Variants in SNX29 observed in about 807,000 individuals in gnomAD.
The protein encoded by SNX29 is sorting nexin 29.
A neutral mutation model predicts 102.1 loss-of-function variants in SNX29; 78 were observed. That is an observed-to-expected ratio of 0.76 (90% CI 0.64 to 0.92). SNX29 has a LOEUF of 0.92. Ranked by LOEUF, SNX29 falls within the 40% of genes least tolerant of loss-of-function variation. The pLI is 0.00. For synonymous variants in SNX29, 580 were observed against 414.5 expected (o/e 1.40, Z -4.85); for missense variants, 1,280 against 1,061.7 (o/e 1.21, Z -2.86).
chr16:12,545,313 G>T (rs536294645), intron 20 of SNX29, among the ~76,000 whole-genome samples: 2 of 150,390 alleles, frequency 1.3e-5, no homozygotes, highest in Non-Finnish European at 3.0e-5. Flanking sequence ...TGGAAGACTC[G>T]CATCCACCAG....
At chr16:12,543,750 G>T (rs2077453180) in intron 20 of SNX29, among the ~76,000 whole-genome samples, 1 of 152,222 alleles carries the variant, frequency 6.6e-6, no homozygotes, top group African/African-American at 2.4e-5. Flanking sequence ...GTTGACTGGG[G>T]GAGATTTTCC....
rs142779997 is a variant in SNX29 at position 12,107,850 on chromosome 16, A to G, written c.1403-18783A>G. 7.0e-4 allele frequency among the ~76,000 whole-genome samples: 106 copies of G among 152,262 alleles called. 1 individual carries two copies. The highest frequency in any genetic ancestry group is 2.5e-3 in the African/African-American group (102 of 41,556). ...CCATAGGAATTCTTCATTAGGAATG[A>G]AGAAACTGTGTGCCACAGGGATTGA... On this transcript the variant is annotated intron_variant, in intron 11 of 20. Coordinates refer to ENST00000566228, the MANE Select transcript of SNX29 (RefSeq NM_032167.5).
At chr16:12,369,533 G>T (rs1439608210) in intron 16 of SNX29, among the ~76,000 whole-genome samples, 1 of 152,176 alleles carries the variant, frequency 6.6e-6, no homozygotes, top group Non-Finnish European at 1.5e-5. Context: ...GTCTGGGCCA[G>T]GTCCTCTCCT....
intron 1 of SNX29, among the ~76,000 whole-genome samples, chr16:11,988,706 C>T (rs2055728874): frequency 6.6e-6 from 1 of 152,086 alleles, no homozygotes; most frequent in Non-Finnish European, 1.5e-5. Flanking sequence ...GGCCTATTGT[C>T]TCTTTAAAGT....
intron 1 of SNX29, among the ~76,000 whole-genome samples, chr16:11,978,865 CA>C (rs2055357872): frequency 6.6e-6 from 1 of 151,914 alleles, no homozygotes; most frequent in South Asian, 2.1e-4. Flanking sequence ...CCAGAGGTTG[CA>C]GTGAGCCAAG....
chr16:12,438,739 A>G (rs558324473), intron 18 of SNX29, among the ~76,000 whole-genome samples: 3 of 152,250 alleles, frequency 2.0e-5, no homozygotes, highest in African/African-American at 4.8e-5. Context: ...TTTTGAGCAC[A>G]TTAAAATCAG....
chr16:12,559,316 A>G (rs1167745449), intron 20 of SNX29, among the ~76,000 whole-genome samples: 2 of 151,858 alleles, frequency 1.3e-5, no homozygotes, highest in East Asian at 3.9e-4. Flanking sequence ...CCTATTGTGA[A>G]CTGCCCATGT....
At chr16:12,265,209 A>G (rs775507638) in intron 14 of SNX29, among the ~76,000 whole-genome samples, 5 of 152,210 alleles carry the variant, frequency 3.3e-5, no homozygotes, top group Non-Finnish European at 7.3e-5. Flanking sequence ...TGTCTGGCAC[A>G]GCTGTCCGCA....
At chr16:12,182,933 CAAAAAA>C (rs575698544) in intron 13 of SNX29, among the ~76,000 whole-genome samples, 61 of 46,452 alleles carry the variant, frequency 1.3e-3, no homozygotes, top group African/African-American at 4.3e-3. Context: ...GACTCTGTCT[CAAAAAA>C]AAAAAAAAAA....
At chr16:12,568,466 CA>C (rs769821436) in intron 20 of SNX29, 39 bp from the exon 21 acceptor site, 22 of 1,604,064 alleles carry the variant, frequency 1.4e-5, no homozygotes, top group Non-Finnish European at 1.7e-5. Context: ...ATTTGCTTTT[CA>C]TCCCCAGACT....
intron 18 of SNX29, among the ~76,000 whole-genome samples, chr16:12,412,683 G>A (rs1043555251): frequency 1.3e-5 from 2 of 152,206 alleles, no homozygotes; most frequent in Non-Finnish European, 2.9e-5. Flanking sequence ...GTGTTTTTGT[G>A]TGTGTTTTGA....
rs59431064 is a variant in SNX29 at position 12,501,724 on chromosome 16, C to CAAAA, written c.2179-22954_2179-22951dup. 2.3e-3 allele frequency among the ~76,000 whole-genome samples: 105 copies of CAAAA among 44,918 alleles called. 8 individuals carry two copies. The highest frequency in any genetic ancestry group is 3.8e-3 in the Non-Finnish European group (81 of 21,532). 29.5% of individuals were successfully genotyped at this position (44,918 alleles called of 152,430 possible). On this transcript the variant is annotated intron_variant, in intron 19 of 20. Transcript: ENST00000566228. ...TGGGTGGCAGAGCAAGACACTGTCT[C>CAAAA]AAAAAAAAAAAAAAAAAAAAAAAAA...
At chr16:12,343,089 G>A (rs974379790) in intron 15 of SNX29, among the ~76,000 whole-genome samples, 3 of 152,188 alleles carry the variant, frequency 2.0e-5, no homozygotes, top group East Asian at 1.9e-4. Context: ...TATTGAGCCC[G>A]TGGTTGAAAT....
chr16:12,293,201 G>T (rs746736499), intron 15 of SNX29, among the ~76,000 whole-genome samples: 3 of 152,186 alleles, frequency 2.0e-5, no homozygotes, highest in Non-Finnish European at 4.4e-5. Flanking sequence ...CTTGGCCTCC[G>T]AAAGTGCTGG....
chr16:12,325,370 C>T lies in SNX29; in HGVS notation c.1783-30793C>T, dbSNP rs112099630. 9.0e-3 allele frequency among the ~76,000 whole-genome samples: 1,366 copies of T among 152,214 alleles called. 12 individuals carry two copies. Among genetic ancestry groups the T allele is most frequent in the African/African-American group, 0.031 (1,281 of 41,524 alleles). On this transcript the variant is annotated intron_variant, in intron 15 of 20. Coordinates refer to ENST00000566228, the MANE Select transcript of SNX29 (RefSeq NM_032167.5). ...TGCCAGGTAGAAGAGGTTTCCTTTG[C>T]GAAAATTATTTAAATGCATTCTGGC...
intron 14 of SNX29, among the ~76,000 whole-genome samples, chr16:12,273,691 C>T (rs906483470): frequency 7.9e-5 from 12 of 152,158 alleles, no homozygotes; most frequent in Non-Finnish European, 2.9e-5. Context: ...ATTGTGCAAC[C>T]ATCGCCACTC....
chr16:12,056,749 T>A (rs928254996), intron 8 of SNX29, among the ~76,000 whole-genome samples: 2 of 152,244 alleles, frequency 1.3e-5, no homozygotes, highest in Non-Finnish European at 2.9e-5. Context: ...TTGCGTTTTG[T>A]ATTTTTCTTT....
At chr16:12,081,464 A>G (rs996820192) in intron 11 of SNX29, 2 of 152,100 alleles carry the variant, frequency 1.3e-5, no homozygotes, top group Non-Finnish European at 2.9e-5. Context: ...CCAAGAAATC[A>G]CAGCTTCTGT....
Position 12,568,727 on chromosome 16 carries a change from CCA to C in SNX29, c.*100_*101del, listed in dbSNP as rs1215060843. ...CCTCACCTCAGCGTGACAACCACGTCCACCTGGTGATCCTGAGAGCACACGAT... is the reference window on the plus strand; with the variant it reads ...CCTCACCTCAGCGTGACAACCACGTCCCTGGTGATCCTGAGAGCACACGAT... On this transcript the variant is annotated 3_prime_UTR_variant, in exon 21 of 21. Coordinates refer to ENST00000566228, the MANE Select transcript of SNX29 (RefSeq NM_032167.5). The C allele has an allele frequency of 3.3e-6, 5 of 1,505,074 alleles. No homozygotes were observed. In the African/African-American group the frequency reaches 4.1e-5, roughly 12 times the overall value. The allele number at this position is 1,505,074 out of a possible 1,614,324, so 93.2% of individuals were successfully genotyped here.
Sources: gnomAD v4.1 joint callset for allele counts (sites outside exome capture counted in the v4.1 genomes callset) on GRCh38, gnomAD v4.1.1 for gene constraint, MANE v1.5 for transcripts, NCBI Gene and HGNC (gene_info 2026-07-23, HGNC 2026-07-21) for gene names.